Variants in PAWR observed in about 807,000 individuals in gnomAD.
PAWR encodes the protein PRKC apoptosis WT1 regulator protein.
In PAWR, 23 loss-of-function variants were observed where a neutral mutation model predicts 32.0. The ratio of observed to expected loss-of-function variants is 0.72; its 90% CI spans 0.52 to 1.02. The LOEUF (loss-of-function observed/expected upper bound fraction) is 1.02. Ranked by LOEUF, PAWR falls within the 50% of genes least tolerant of loss-of-function variation. PAWR has a pLI of 0.00. For synonymous variants in PAWR, 226 were observed against 187.1 expected, an observed-to-expected ratio of 1.21 and a Z score of -1.70; for missense variants, 457 against 437.7, an observed-to-expected ratio of 1.04 and a Z score of -0.39.
intron 2 of PAWR, among the ~76,000 whole-genome samples, chr12:79,677,265 G>T (rs1382263601): frequency 6.6e-6 from 1 of 152,186 alleles, no homozygotes; most frequent in Admixed American, 6.5e-5. Flanking sequence ...CAAAAATGTT[G>T]TAACAATATC....
intron 2 of PAWR, among the ~76,000 whole-genome samples, chr12:79,625,630 C>G (rs940792192): frequency 6.6e-6 from 1 of 152,034 alleles, no homozygotes; most frequent in African/African-American, 2.4e-5. Context: ...CAAAACATGG[C>G]TAACACGGTG....
intron 5 of PAWR, among the ~76,000 whole-genome samples, chr12:79,595,594 T>C (rs936503360): frequency 1.3e-5 from 2 of 152,162 alleles, no homozygotes; most frequent in African/African-American, 4.8e-5. Context: ...CGCCTGTAAT[T>C]CCAGCACTTT....
At chr12:79,637,629 G>A (rs1416255656) in intron 2 of PAWR, among the ~76,000 whole-genome samples, 1 of 151,026 alleles carries the variant, frequency 6.6e-6, no homozygotes, top group Non-Finnish European at 1.5e-5. Context: ...AACAAATGAC[G>A]TCTTCTAACT....
At chr12:79,666,757 T>C (rs1326241231) in intron 2 of PAWR, among the ~76,000 whole-genome samples, 2 of 152,210 alleles carry the variant, frequency 1.3e-5, no homozygotes. Flanking sequence ...TTCCAATTAA[T>C]AACAGGCATT....
chr12:79,690,274 C>G lies in PAWR; in HGVS notation c.-30G>C, dbSNP rs1878945333. On this transcript the variant is annotated 5_prime_UTR_variant, in exon 2 of 7. Coordinates refer to ENST00000328827, the MANE Select transcript of PAWR (RefSeq NM_002583.4). ...CCAAAGGGGCCGGTCGGGCTCTCAC[C>G]TCAGGCCGCCCACCAGGGCTCCGGC... The G allele has an allele frequency of 4.8e-6, 7 of 1,451,030 alleles. No individual in the cohort carries two copies. Among genetic ancestry groups the G allele is most frequent in the Non-Finnish European group, 6.3e-6 (7 of 1,104,642 alleles). 89.9% of individuals were successfully genotyped at this position (1,451,030 alleles called of 1,614,324 possible).
chr12:79,627,559 T>C (rs1012735642), intron 2 of PAWR, among the ~76,000 whole-genome samples: 1 of 152,170 alleles, frequency 6.6e-6, no homozygotes, highest in Non-Finnish European at 1.5e-5. Context: ...ACTCTGATGG[T>C]AGTTTCTTTT....
chr12:79,690,555 C>T, intron 1 of PAWR, 164 bp from the exon 2 acceptor site: 2 of 301,264 alleles, frequency 6.6e-6, no homozygotes, highest in Non-Finnish European at 1.2e-5. Context: ...CTCCCACGCA[C>T]CTACAGTACG....
intron 2 of PAWR, among the ~76,000 whole-genome samples, chr12:79,650,039 C>G (rs755714486): frequency 3.3e-5 from 5 of 152,150 alleles, no homozygotes; most frequent in Non-Finnish European, 5.9e-5. Context: ...CACTGCTGAT[C>G]TGATAGGAGG....
At chr12:79,651,088 T>C (rs1400755558) in intron 2 of PAWR, among the ~76,000 whole-genome samples, 2 of 152,212 alleles carry the variant, frequency 1.3e-5, no homozygotes, top group African/African-American at 4.8e-5. Context: ...CCTATAGTAA[T>C]AAATTTGCAA....
intron 2 of PAWR, among the ~76,000 whole-genome samples, chr12:79,635,945 G>A (rs913181926): frequency 9.9e-5 from 15 of 152,072 alleles, no homozygotes; most frequent in African/African-American, 3.6e-4. Flanking sequence ...AGACTGACTG[G>A]ACTGTATTAC....
intron 4 of PAWR, among the ~76,000 whole-genome samples, chr12:79,598,193 A>T (rs1386518339): frequency 1.3e-5 from 2 of 152,212 alleles, no homozygotes; most frequent in Non-Finnish European, 1.5e-5. Flanking sequence ...GTGTGAGAGG[A>T]TTATACACAG....
intron 2 of PAWR, among the ~76,000 whole-genome samples, chr12:79,644,078 T>C (rs528472227): frequency 9.8e-5 from 15 of 152,312 alleles, no homozygotes; most frequent in African/African-American, 2.9e-4. Context: ...AAATATTCCT[T>C]CAGTACAAAT....
chr12:79,606,251 C>A (rs1874178368), intron 4 of PAWR, among the ~76,000 whole-genome samples: 1 of 152,034 alleles, frequency 6.6e-6, no homozygotes, highest in Non-Finnish European at 1.5e-5. Flanking sequence ...CAGGGTAGAA[C>A]AATTTTGGAA....
At chr12:79,677,577 A>C (rs1194136853) in intron 2 of PAWR, among the ~76,000 whole-genome samples, 1 of 152,198 alleles carries the variant, frequency 6.6e-6, no homozygotes, top group Non-Finnish European at 1.5e-5. Flanking sequence ...TTAAATTTAT[A>C]AGTAATATTC....
At chr12:79,682,896 A>G (rs1392531307) in intron 2 of PAWR, among the ~76,000 whole-genome samples, 2 of 152,278 alleles carry the variant, frequency 1.3e-5, no homozygotes, top group Non-Finnish European at 1.5e-5. Context: ...TGCACTTGAT[A>G]GTAGTTTGAT....
chr12:79,609,570 A>C (rs1874344624), intron 4 of PAWR, among the ~76,000 whole-genome samples: 1 of 151,944 alleles, frequency 6.6e-6, no homozygotes, highest in African/African-American at 2.4e-5. Flanking sequence ...CACCACAGAG[A>C]GGAGAGGAAG....
chr12:79,627,503 T>C (rs1428521804), intron 2 of PAWR, among the ~76,000 whole-genome samples: 1 of 152,208 alleles, frequency 6.6e-6, no homozygotes, highest in Admixed American at 6.5e-5. Context: ...CTTTGTCACA[T>C]GAGTAGGTTG....
At chr12:79,660,689 T>C (rs1257456676) in intron 2 of PAWR, among the ~76,000 whole-genome samples, 1 of 151,378 alleles carries the variant, frequency 6.6e-6, no homozygotes, top group African/African-American at 2.4e-5. Flanking sequence ...GTTCAAGTGA[T>C]TCTCCTGCCT....
At chr12:79,606,021 C>T (rs1427629865) in intron 4 of PAWR, among the ~76,000 whole-genome samples, 1 of 152,002 alleles carries the variant, frequency 6.6e-6, no homozygotes, top group Non-Finnish European at 1.5e-5. Flanking sequence ...TTGCAGTGAG[C>T]CGAGATTGCA....
Sources: allele counts gnomAD v4.1 joint callset (sites outside exome capture counted in the v4.1 genomes callset), GRCh38; gene constraint gnomAD v4.1.1; transcripts MANE v1.5; gene names NCBI Gene and HGNC (gene_info 2026-07-23, HGNC 2026-07-21).